Variants in PIP4P2 observed in about 807,000 individuals in gnomAD.
PIP4P2 encodes phosphatidylinositol-4,5-bisphosphate 4-phosphatase 2.
PIP4P2 carries 19 observed loss-of-function variants against 33.3 expected under a neutral mutation model. The ratio of observed to expected loss-of-function variants is 0.57; its 90% CI spans 0.40 to 0.84. The LOEUF (loss-of-function observed/expected upper bound fraction) is 0.84, where lower values mean the gene tolerates loss of function less well. PIP4P2 is among the 40% of genes least tolerant of loss of function. The pLI is 0.00. For missense variants in PIP4P2, 270 were observed against 324.7 expected, an observed-to-expected ratio of 0.83 and a Z score of 1.29; for synonymous variants, 110 against 111.9, an observed-to-expected ratio of 0.98 and a Z score of 0.11.
At chr8:91,014,863 G>A (rs898022316) in intron 4 of PIP4P2, among the ~76,000 whole-genome samples, 6 of 149,974 alleles carry the variant, frequency 4.0e-5, no homozygotes, top group African/African-American at 7.4e-5. Context: ...CAGTATAGAC[G>A]TATATCAAAA....
At chr8:90,998,181 G>A (rs1033661519) in intron 5 of PIP4P2, among the ~76,000 whole-genome samples, 2 of 151,920 alleles carry the variant, frequency 1.3e-5, no homozygotes, top group African/African-American at 2.4e-5. Context: ...ATCTGCATTT[G>A]GCAGTTTGTA....
intron 1 of PIP4P2, among the ~76,000 whole-genome samples, chr8:91,029,067 C>T (rs968590994): frequency 6.6e-6 from 1 of 152,064 alleles, no homozygotes. Flanking sequence ...CCAAGGTGGA[C>T]AGATCAAGAG....
intron 1 of PIP4P2, among the ~76,000 whole-genome samples, chr8:91,033,847 G>A (rs1812201954): frequency 6.6e-6 from 1 of 152,030 alleles, no homozygotes. Context: ...TGGCACAATC[G>A]CAGCTCACTG....
At chr8:91,030,527 T>C (rs779516403) in intron 1 of PIP4P2, among the ~76,000 whole-genome samples, 4 of 152,342 alleles carry the variant, frequency 2.6e-5, no homozygotes, top group African/African-American at 9.6e-5. Context: ...CAAAGTTTAA[T>C]GTATTTATTA....
At chr8:91,039,901 G>T (rs561602964) in intron 1 of PIP4P2, among the ~76,000 whole-genome samples, 4 of 152,144 alleles carry the variant, frequency 2.6e-5, no homozygotes, top group African/African-American at 9.6e-5. Context: ...GAAAAAAATA[G>T]AAATATATGT....
At chr8:91,024,729 A>C (rs1364577185) in intron 1 of PIP4P2, among the ~76,000 whole-genome samples, 2 of 152,180 alleles carry the variant, frequency 1.3e-5, no homozygotes, top group Non-Finnish European at 2.9e-5. Flanking sequence ...GAAAAGTCTT[A>C]CTTGTTATCT....
chr8:90,996,149 G>T (rs1811625722), intron 6 of PIP4P2, among the ~76,000 whole-genome samples: 1 of 152,138 alleles, frequency 6.6e-6, no homozygotes, highest in Non-Finnish European at 1.5e-5. Context: ...AAACAAAGGA[G>T]CATGGAAATG....
chr8:91,024,329 TG>T, intron 1 of PIP4P2: 1 of 441,688 alleles, frequency 2.3e-6, no homozygotes, highest in Non-Finnish European at 4.6e-6. Flanking sequence ...TCCTCTTATA[TG>T]GGACTTGTAA....
Position 91,020,512 on chromosome 8 carries a change from A to T in PIP4P2, c.256-249T>A, listed in dbSNP as rs147858255. Among the ~76,000 whole-genome samples, 21 of 152,348 alleles carry T rather than the reference A, an allele frequency of 1.4e-4. No homozygotes were observed. The East Asian group carries it at 4.0e-3, about 29-fold the overall frequency. On this transcript the variant is annotated intron_variant, in intron 2 of 6. Coordinates refer to ENST00000285419, the MANE Select transcript of PIP4P2 (RefSeq NM_018710.3). ...TTTTCTAAAGAGAAAAAAATAAAAC[A>T]TCAAAGATAAAATTAATATTTAATT... is the stretch of plus-strand genomic sequence containing the variant.
At chr8:91,032,872 C>T (rs540805642) in intron 1 of PIP4P2, among the ~76,000 whole-genome samples, 27 of 151,686 alleles carry the variant, frequency 1.8e-4, no homozygotes, top group African/African-American at 6.3e-4. Flanking sequence ...GGAAGTATTA[C>T]AGTTTCCATT....
intron 1 of PIP4P2, among the ~76,000 whole-genome samples, chr8:91,040,144 G>C (rs924789649): frequency 6.6e-6 from 1 of 152,158 alleles, no homozygotes; most frequent in African/African-American, 2.4e-5. Context: ...TGAGTGAACA[G>C]AGCACTGTTG....
chr8:91,015,869 A>T (rs575774914), intron 4 of PIP4P2, among the ~76,000 whole-genome samples: 2 of 152,346 alleles, frequency 1.3e-5, no homozygotes, highest in African/African-American at 4.8e-5. Context: ...AACTTGTGGA[A>T]TGCTGAGAAA....
chr8:90,996,881 C>T (rs1197933169), intron 5 of PIP4P2, 137 bp from the exon 6 acceptor site: 4 of 681,344 alleles, frequency 5.9e-6, no homozygotes, highest in East Asian at 5.9e-5. Context: ...CAGACAAGAA[C>T]ATGCATTAAA....
intron 1 of PIP4P2, among the ~76,000 whole-genome samples, chr8:91,026,955 C>T (rs757419589): frequency 1.6e-4 from 25 of 152,118 alleles, no homozygotes; most frequent in Non-Finnish European, 3.4e-4. Flanking sequence ...TGGATGGATC[C>T]TTATGAATGC....
intron 4 of PIP4P2, among the ~76,000 whole-genome samples, chr8:91,014,452 T>A (rs1470670421): frequency 6.6e-6 from 1 of 152,166 alleles, no homozygotes; most frequent in East Asian, 1.9e-4. Context: ...ACAACATGTA[T>A]TAACCTGGAA....
intron 1 of PIP4P2, among the ~76,000 whole-genome samples, chr8:91,035,664 T>C (rs1354106905): frequency 1.3e-5 from 2 of 152,204 alleles, no homozygotes; most frequent in Non-Finnish European, 2.9e-5. Context: ...TTATCTCATA[T>C]GGAGCGCCTC....
At chr8:91,032,851 T>C (rs1230324692) in intron 1 of PIP4P2, among the ~76,000 whole-genome samples, 1 of 152,052 alleles carries the variant, frequency 6.6e-6, no homozygotes, top group African/African-American at 2.4e-5. Flanking sequence ...GGTTACCTGC[T>C]TTTCCCAAAT....
chr8:91,018,655 A>T (rs1811955120), intron 3 of PIP4P2, 142 bp from the exon 4 acceptor site: 15 of 1,278,690 alleles, frequency 1.2e-5, no homozygotes, highest in Non-Finnish European at 1.6e-5. Flanking sequence ...AGGCAAAACT[A>T]CAAAGAGTAG....
intron 1 of PIP4P2, among the ~76,000 whole-genome samples, chr8:91,025,828 C>G (rs1432838203): frequency 6.6e-6 from 1 of 152,190 alleles, no homozygotes; most frequent in African/African-American, 2.4e-5. Flanking sequence ...ACAGACTTAG[C>G]TTGGCCACTA....
Sources: allele counts gnomAD v4.1 joint callset (sites outside exome capture counted in the v4.1 genomes callset), GRCh38; gene constraint gnomAD v4.1.1; transcripts MANE v1.5; gene names NCBI Gene and HGNC (gene_info 2026-07-23, HGNC 2026-07-21).